The following ARHGAP24 variants were observed in gnomAD, a reference collection of about 807,000 sequenced individuals.
ARHGAP24 encodes the protein rho GTPase-activating protein 24.
ARHGAP24 carries 50 observed loss-of-function variants against 76.4 expected under a neutral mutation model. The ratio of observed to expected loss-of-function variants is 0.65; its 90% CI spans 0.52 to 0.83. The LOEUF is 0.83. ARHGAP24 is among the 40% of genes least tolerant of loss of function. The pLI is 0.00. For missense variants in ARHGAP24, 930 were observed against 914.2 expected, an observed-to-expected ratio of 1.02 and a Z score of -0.22; for synonymous variants, 345 against 323.3, an observed-to-expected ratio of 1.07 and a Z score of -0.72.
At chr4:85,510,605 C>T (rs1393912136) in intron 1 of ARHGAP24, among the ~76,000 whole-genome samples, 1 of 147,258 alleles carries the variant, frequency 6.8e-6, no homozygotes, top group African/African-American at 2.5e-5. Context: ...CCTTGTCTTC[C>T]CCGTCTTCCC....
intron 1 of ARHGAP24, among the ~76,000 whole-genome samples, chr4:85,569,569 C>T (rs1726993111): frequency 6.6e-6 from 1 of 152,206 alleles, no homozygotes; most frequent in African/African-American, 2.4e-5. Flanking sequence ...CTCCTTCACA[C>T]ATAACCTTAA....
At chr4:85,910,009 T>A (rs1370221955) in intron 3 of ARHGAP24, among the ~76,000 whole-genome samples, 1 of 152,022 alleles carries the variant, frequency 6.6e-6, no homozygotes, top group Non-Finnish European at 1.5e-5. Context: ...GAGTCAGGCA[T>A]GGAGTGTGTG....
chr4:85,813,319 A>G (rs1360238731), intron 3 of ARHGAP24, among the ~76,000 whole-genome samples: 1 of 152,170 alleles, frequency 6.6e-6, no homozygotes, highest in East Asian at 1.9e-4. Flanking sequence ...ATCTAAACCA[A>G]TGGAGCTATA....
intron 3 of ARHGAP24, among the ~76,000 whole-genome samples, chr4:85,874,408 A>T (rs973046384): frequency 6.6e-6 from 1 of 152,186 alleles, no homozygotes. Context: ...CTGCACTTGC[A>T]GCTTAACCTG....
At chr4:85,718,329 A>T (rs1724808635) in intron 2 of ARHGAP24, among the ~76,000 whole-genome samples, 1 of 152,116 alleles carries the variant, frequency 6.6e-6, no homozygotes, top group African/African-American at 2.4e-5. Context: ...TGAAGCAGAT[A>T]ATAAATATCT....
chr4:85,922,754 A>C (rs920330945), intron 3 of ARHGAP24, among the ~76,000 whole-genome samples: 3 of 152,232 alleles, frequency 2.0e-5, no homozygotes, highest in African/African-American at 7.2e-5. Context: ...TTCAAGGTCA[A>C]ATATGGTTAT....
chr4:85,521,424 C>T (rs2110111255), intron 1 of ARHGAP24, among the ~76,000 whole-genome samples: 1 of 152,266 alleles, frequency 6.6e-6, no homozygotes, highest in East Asian at 1.9e-4. Context: ...ATATATATTA[C>T]ATCATACCTT....
At chr4:85,890,398 T>C (rs1320690491) in intron 3 of ARHGAP24, among the ~76,000 whole-genome samples, 1 of 152,118 alleles carries the variant, frequency 6.6e-6, no homozygotes, top group Non-Finnish European at 1.5e-5. Flanking sequence ...ACTGCATCAT[T>C]TTAAGAAACT....
At chr4:85,652,851 T>G (rs922521962) in intron 2 of ARHGAP24, among the ~76,000 whole-genome samples, 1 of 152,184 alleles carries the variant, frequency 6.6e-6, no homozygotes, top group African/African-American at 2.4e-5. Flanking sequence ...CTTTCCAAAA[T>G]CCAAATATTT....
At chr4:85,735,852 T>C (rs1725585885) in intron 3 of ARHGAP24, among the ~76,000 whole-genome samples, 1 of 152,310 alleles carries the variant, frequency 6.6e-6, no homozygotes. Context: ...AGCTCCCATA[T>C]ACAGTGATAT....
Position 85,484,720 on chromosome 4 carries a change from G to A in ARHGAP24, c.-21+9161G>A, listed in dbSNP as rs1423158533. On this transcript the variant is annotated intron_variant, in intron 1 of 9. Coordinates refer to ENST00000395184, the MANE Select transcript of ARHGAP24 (RefSeq NM_001025616.3). ...CAAATTCCACCTCCTGGGTTCAAGC[G>A]ATTCTCCTGCCGTAGCCTCCCGAGT... Among the ~76,000 whole-genome samples the A allele has an allele frequency of 2.2e-4, 34 of 152,148 alleles. 1 individual carries two copies. Among genetic ancestry groups the A allele is most frequent in the Admixed American group, 1.8e-3 (28 of 15,284 alleles).
intron 1 of ARHGAP24, among the ~76,000 whole-genome samples, chr4:85,544,699 CAT>C (rs939612910): frequency 1.3e-5 from 2 of 151,636 alleles, no homozygotes; most frequent in Admixed American, 1.3e-4. Context: ...TACACACATA[CAT>C]ATATATATAC....
intron 1 of ARHGAP24, among the ~76,000 whole-genome samples, chr4:85,520,656 A>G (rs1042350110): frequency 5.3e-5 from 8 of 152,182 alleles, no homozygotes; most frequent in Non-Finnish European, 1.2e-4. Context: ...TTATTGAACC[A>G]TGTGTCAGCT....
At chr4:85,657,927 G>T (rs776999649) in intron 2 of ARHGAP24, among the ~76,000 whole-genome samples, 17 of 152,220 alleles carry the variant, frequency 1.1e-4, no homozygotes, top group African/African-American at 4.1e-4. Context: ...GCTAATTTTT[G>T]TATTTTTAGT....
chr4:85,549,381 A>C (rs1317299199), intron 1 of ARHGAP24, among the ~76,000 whole-genome samples: 1 of 151,492 alleles, frequency 6.6e-6, no homozygotes, highest in African/African-American at 2.4e-5. Context: ...GATTGTGTTT[A>C]TAATGTGCAA....
intron 1 of ARHGAP24, among the ~76,000 whole-genome samples, chr4:85,541,555 C>CCCAAATTTCTAGACTTAGGGTTTT (rs1725703740): frequency 7.2e-5 from 11 of 151,962 alleles, no homozygotes; most frequent in African/African-American, 2.7e-4. Flanking sequence ...TTTAGCTTAA[C>CCCAAATTTCTAGACTTAGGGTTTT]ATAATTTTTT....
Position 86,001,556 on chromosome 4 carries a change from C to CT in ARHGAP24, c.*837dup. 1 of 397,344 alleles carries CT rather than the reference C, an allele frequency of 2.5e-6. No homozygotes were observed. The highest frequency in any genetic ancestry group is 4.4e-6 in the Non-Finnish European group (1 of 225,696). 24.6% of individuals were successfully genotyped at this position (397,344 alleles called of 1,614,324 possible). On this transcript the variant is annotated 3_prime_UTR_variant, in exon 10 of 10. Coordinates refer to ENST00000395184, the MANE Select transcript of ARHGAP24 (RefSeq NM_001025616.3). Reference sequence around the variant, plus strand: ...TACTCTGTCCCTCTGGACCGAATCTCTTTAACTGCTGGATAGTTTTAGAGG... The same window carrying CT: ...TACTCTGTCCCTCTGGACCGAATCTCTTTTAACTGCTGGATAGTTTTAGAGG...
intron 1 of ARHGAP24, among the ~76,000 whole-genome samples, chr4:85,558,308 T>A (rs1047369935): frequency 1.3e-5 from 2 of 152,148 alleles, no homozygotes; most frequent in Non-Finnish European, 2.9e-5. Context: ...TTCTTAATTT[T>A]AAAAAATTAT....
At chr4:85,552,203 G>T (rs993246808) in intron 1 of ARHGAP24, among the ~76,000 whole-genome samples, 1 of 152,090 alleles carries the variant, frequency 6.6e-6, no homozygotes, top group Non-Finnish European at 1.5e-5. Context: ...CTGTTTCCTA[G>T]ACATTCTGGC....
Sources: gnomAD v4.1 joint callset for allele counts (sites outside exome capture counted in the v4.1 genomes callset) on GRCh38, gnomAD v4.1.1 for gene constraint, MANE v1.5 for transcripts, NCBI Gene and HGNC (gene_info 2026-07-23, HGNC 2026-07-21) for gene names.